PDIA3: variants seen among roughly 807,000 people sequenced by gnomAD.
PDIA3 encodes protein disulfide isomerase family A member 3.
In PDIA3, 16 loss-of-function variants were observed where a neutral mutation model predicts 56.9. The ratio of observed to expected loss-of-function variants is 0.28; its 90% CI spans 0.19 to 0.43. The LOEUF is 0.43. Among genes scored for constraint, PDIA3 ranks in the 20% least tolerant of loss-of-function variants. The pLI, the probability that PDIA3 is intolerant of heterozygous loss-of-function variation, is 1.00. For missense variants in PDIA3, 485 were observed against 621.3 expected (o/e 0.78, Z 2.33); for synonymous variants, 192 against 216.5 (o/e 0.89, Z 0.99).
chr15:43,757,986 T>C (rs2086790813), intron 3 of PDIA3, among the ~76,000 whole-genome samples: 1 of 150,810 alleles, frequency 6.6e-6, no homozygotes, highest in Non-Finnish European at 1.5e-5. Context: ...GGCTCACGCC[T>C]GTAATCCTAG....
chr15:43,770,702 C>T, intron 12 of PDIA3, 122 bp downstream of exon 12: 1 of 724,096 alleles, frequency 1.4e-6, no homozygotes. Context: ...GAGTTTCGCT[C>T]TTGTTGCCTG....
At chr15:43,753,372 C>G (rs563856026) in intron 1 of PDIA3, among the ~76,000 whole-genome samples, 6 of 152,304 alleles carry the variant, frequency 3.9e-5, no homozygotes, top group African/African-American at 1.4e-4. Context: ...GCTTCAGTCA[C>G]TATTTTTAAC....
At chr15:43,752,507 G>A (rs1596018654) in intron 1 of PDIA3, among the ~76,000 whole-genome samples, 1 of 152,166 alleles carries the variant, frequency 6.6e-6, no homozygotes, top group Admixed American at 6.6e-5. Context: ...GCATTTGTTT[G>A]CACTCAGTCT....
rs1183754617 is a variant in PDIA3 at position 43,764,298 on chromosome 15, T to G, written c.602+1092T>G. Among the ~76,000 whole-genome samples the G allele has an allele frequency of 2.0e-5, 3 of 152,150 alleles. No homozygotes were observed. In the East Asian group the frequency reaches 5.8e-4, roughly 29 times the overall value. ...GTGGTGCAAGGCATTCTAAGGATTC[T>G]AAGGAGAATTCTAAGGACTATAAGG... On this transcript the variant is annotated intron_variant, in intron 5 of 12. Coordinates refer to ENST00000300289, the MANE Select transcript of PDIA3 (RefSeq NM_005313.5).
chr15:43,770,369 G>C, intron 11 of PDIA3, 40 bp downstream of exon 11: 1 of 1,531,202 alleles, frequency 6.5e-7, no homozygotes, highest in Non-Finnish European at 9.1e-7. Flanking sequence ...CTAGGCAATA[G>C]ATAGGAATAA....
rs1048382624 is a variant in PDIA3, at chr15:43,767,193, T to C, written c.1028+283T>C. On this transcript the variant is annotated intron_variant, in intron 8 of 12. Transcript: ENST00000300289. The stretch of plus-strand genomic sequence containing the variant: ...AGAGAAACCCCGTCTCTACTAAAAA[T>C]GCAAAAAAATTAGCCAGGCACGGTG... 2.0e-5 allele frequency among the ~76,000 whole-genome samples: 3 copies of C among 151,598 alleles called. No individual in the cohort carries two copies. The East Asian group carries it at 5.9e-4, about 30-fold the overall frequency.
intron 8 of PDIA3, among the ~76,000 whole-genome samples, chr15:43,768,027 C>A (rs139705853): frequency 3.9e-5 from 6 of 152,258 alleles, no homozygotes; most frequent in South Asian, 2.1e-4. Context: ...CATTCCCCCC[C>A]CTCATCCCTA....
intron 1 of PDIA3, 101 bp downstream of exon 1, chr15:43,746,807 C>A: frequency 2.4e-6 from 3 of 1,253,554 alleles, no homozygotes; most frequent in Non-Finnish European, 2.3e-6. Flanking sequence ...GCCCTTCATT[C>A]CTGTGGGCCC....
intron 1 of PDIA3, among the ~76,000 whole-genome samples, chr15:43,747,339 A>G (rs912291749): frequency 1.3e-5 from 2 of 152,234 alleles, no homozygotes; most frequent in Non-Finnish European, 2.9e-5. Context: ...GAATAATTCC[A>G]TCAGAATCTG....
chr15:43,746,765 G>C, intron 1 of PDIA3, 59 bp downstream of exon 1: 1 of 1,578,750 alleles, frequency 6.3e-7, no homozygotes, highest in East Asian at 2.2e-5. Context: ...GGGCGAGAGC[G>C]CGGGGAACTG....
intron 6 of PDIA3, 72 bp downstream of exon 6, chr15:43,765,638 C>A: frequency 1.9e-6 from 2 of 1,036,398 alleles, no homozygotes; most frequent in Non-Finnish European, 3.0e-6. Context: ...GTTATTAAGC[C>A]GAGCTATATT....
At chr15:43,751,512 G>A in intron 1 of PDIA3, 1 of 967,708 alleles carries the variant, frequency 1.0e-6, no homozygotes, top group Non-Finnish European at 1.5e-6. Flanking sequence ...CTAGGGGTGG[G>A]TGAAAGAAGT....
intron 9 of PDIA3, 100 bp downstream of exon 9, chr15:43,768,697 C>CTTT: frequency 1.7e-6 from 1 of 579,896 alleles, no homozygotes; most frequent in Non-Finnish European, 2.9e-6. Context: ...TTGGCCATCT[C>CTTT]TTTTTTTTTT....
chr15:43,752,042 T>C (rs531289005), intron 1 of PDIA3, among the ~76,000 whole-genome samples: 1 of 152,368 alleles, frequency 6.6e-6, no homozygotes, highest in South Asian at 2.1e-4. Context: ...ATCTTCTAGA[T>C]GGCTTTACTC....
chr15:43,747,474 TTAGA>T (rs1241788765), intron 1 of PDIA3, among the ~76,000 whole-genome samples: 4 of 152,170 alleles, frequency 2.6e-5, no homozygotes, highest in African/African-American at 7.2e-5. Context: ...TGTAAATTCC[TTAGA>T]TAGAACTAAC....
At chr15:43,757,973 G>C (rs1446632389) in intron 3 of PDIA3, among the ~76,000 whole-genome samples, 1 of 151,714 alleles carries the variant, frequency 6.6e-6, no homozygotes, top group African/African-American at 2.4e-5. Context: ...GGCCGGGCGC[G>C]GTGGCTCACG....
intron 1 of PDIA3, among the ~76,000 whole-genome samples, chr15:43,748,360 C>T (rs2141641170): frequency 6.6e-6 from 1 of 152,230 alleles, no homozygotes; most frequent in African/African-American, 2.4e-5. Flanking sequence ...TGCCTGTAAT[C>T]CCAGCTACTC....
rs758182677 is a variant in PDIA3 at position 43,746,553 on chromosome 15, G to T, written c.14G>T (p.Arg5Leu). Residue 5 changes from arginine (R) to leucine (L), a missense_variant, in exon 1 of 13, where the codon CGC (arginine) becomes CTC (leucine). Coordinates refer to ENST00000300289, the MANE Select transcript of PDIA3 (RefSeq NM_005313.5). ...CACCTCGCCGCCATGCGCCTCCGCC[G>T]CCTAGCGCTGTTCCCGGGTGTGGCG... MRLR[R>L]LALFPGVALL... 3 of 1,607,866 alleles carry T rather than the reference G, an allele frequency of 1.9e-6. No individual in the cohort carries two copies. Among genetic ancestry groups the T allele is most frequent in the East Asian group, 4.5e-5 (2 of 44,768 alleles).
At chr15:43,757,267 T>C (rs1228265940) in intron 3 of PDIA3, among the ~76,000 whole-genome samples, 1 of 151,772 alleles carries the variant, frequency 6.6e-6, no homozygotes, top group African/African-American at 2.4e-5. Context: ...CAATAAAAAG[T>C]TTGGGCCGGG....
Sources: allele counts gnomAD v4.1 joint callset (sites outside exome capture counted in the v4.1 genomes callset), GRCh38; gene constraint gnomAD v4.1.1; transcripts MANE v1.5; gene names NCBI Gene and HGNC (gene_info 2026-07-23, HGNC 2026-07-21).